PAK2: variants seen among roughly 807,000 people sequenced by gnomAD.
The protein encoded by PAK2 is p21 (RAC1) activated kinase 2.
A neutral mutation model predicts 65.9 loss-of-function variants in PAK2; 21 were observed. The observed-to-expected ratio is 0.32, with a 90% CI of 0.23 to 0.46. The LOEUF is 0.46. PAK2 is among the 20% of genes least tolerant of loss of function. PAK2 has a pLI of 1.00. For synonymous variants in PAK2, 204 were observed against 219.7 expected (o/e 0.93, Z 0.63); for missense variants, 324 against 642.6 (o/e 0.50, Z 5.36).
intron 1 of PAK2, among the ~76,000 whole-genome samples, chr3:196,747,826 C>T (rs1713440987): frequency 6.6e-6 from 1 of 152,064 alleles, no homozygotes; most frequent in Non-Finnish European, 1.5e-5. Flanking sequence ...TCCTAATCTG[C>T]CAAAGACAAA....
At chr3:196,761,122 GTAAGGCTGAGGCAGGA>G (rs1445518802) in intron 1 of PAK2, among the ~76,000 whole-genome samples, 12 of 149,528 alleles carry the variant, frequency 8.0e-5, no homozygotes, top group African/African-American at 2.7e-4. Context: ...CGGCTACTCG[GTAAGGCTGAGGCAGGA>G]GAACCGCTTT....
chr3:196,764,841 C>CTTTTTTT (rs57199433), intron 1 of PAK2, among the ~76,000 whole-genome samples: 1 of 107,610 alleles, frequency 9.3e-6, no homozygotes, highest in Non-Finnish European at 1.9e-5. Context: ...TCTTTTCTTT[C>CTTTTTTT]TTTTTTTTTT....
intron 11 of PAK2, among the ~76,000 whole-genome samples, chr3:196,815,353 A>G (rs112016363): frequency 0.053 from 7,947 of 150,342 alleles, 272 homozygotes; most frequent in East Asian, 0.17. Flanking sequence ...TTAGCCAGGC[A>G]TGGTGGTGCA....
intron 1 of PAK2, among the ~76,000 whole-genome samples, chr3:196,760,779 A>C (rs1713933338): frequency 6.6e-6 from 1 of 152,224 alleles, no homozygotes; most frequent in Non-Finnish European, 1.5e-5. Context: ...AACGGCCTTA[A>C]ACTACTGAAG....
At chr3:196,778,188 A>G (rs1000927221) in intron 1 of PAK2, among the ~76,000 whole-genome samples, 1 of 152,044 alleles carries the variant, frequency 6.6e-6, no homozygotes, top group African/African-American at 2.4e-5. Flanking sequence ...TTTTTCACTT[A>G]GTGTTCGAGG....
chr3:196,754,164 A>G (rs1056008596), intron 1 of PAK2, among the ~76,000 whole-genome samples: 1 of 152,038 alleles, frequency 6.6e-6, no homozygotes, highest in African/African-American at 2.4e-5. Context: ...TCTTCTCTCC[A>G]TATACTCCTG....
chr3:196,770,410 A>G lies in PAK2; in HGVS notation c.-21-12216A>G, dbSNP rs890430717. Among the ~76,000 whole-genome samples the G allele has an allele frequency of 2.2e-4, 33 of 151,940 alleles. 2 individuals carry two copies. Among genetic ancestry groups the G allele is most frequent in the African/African-American group, 7.3e-4 (30 of 41,310 alleles). On this transcript the variant is annotated intron_variant, in intron 1 of 14. Coordinates refer to ENST00000327134, the MANE Select transcript of PAK2 (RefSeq NM_002577.4). ...ATGTACCTGTAGTCTCAGCACAGCTACTTGGGAGGATCAGGTGGGAGGATT... is the reference window on the plus strand; with the variant it reads ...ATGTACCTGTAGTCTCAGCACAGCTGCTTGGGAGGATCAGGTGGGAGGATT...
At chr3:196,825,447 G>T (rs7648928) in intron 13 of PAK2, among the ~76,000 whole-genome samples, 2,994 of 151,902 alleles carry the variant, frequency 0.02, 110 homozygotes, top group African/African-American at 0.06. Flanking sequence ...TTTAAGACCA[G>T]CCTGGCCAAC....
chr3:196,828,074 C>A (rs919560920), intron 14 of PAK2, among the ~76,000 whole-genome samples: 3 of 131,950 alleles, frequency 2.3e-5, no homozygotes, highest in Admixed American at 7.8e-5. Flanking sequence ...GTTTGTGCAT[C>A]GTATCACTCC....
intron 3 of PAK2, among the ~76,000 whole-genome samples, chr3:196,802,268 G>A (rs920312551): frequency 8.5e-5 from 13 of 152,122 alleles, no homozygotes; most frequent in Admixed American, 5.9e-4. Context: ...AAGCGTGGGG[G>A]TGTATGCCTG....
chr3:196,820,094 AC>A lies in PAK2; in HGVS notation c.1154-275del, dbSNP rs1711600290. Among the ~76,000 whole-genome samples, 1 of 152,066 alleles carries A rather than the reference AC, an allele frequency of 6.6e-6. No homozygotes were observed. Among genetic ancestry groups the A allele is most frequent in the Non-Finnish European group, 1.5e-5 (1 of 68,018 alleles). On this transcript the variant is annotated intron_variant, in intron 12 of 14. Coordinates refer to ENST00000327134, the MANE Select transcript of PAK2 (RefSeq NM_002577.4). This position sits in a 1 kb window ranked among gnomAD's most constrained non-coding sequence, Gnocchi z 4.6. ...CTACTTTTGCTTTACTTTTTCGTAG[AC>A]CTCTTTCAGTTTTATTAAATTTTTT...
chr3:196,761,850 C>T lies in PAK2; in HGVS notation c.-21-20776C>T, dbSNP rs1369836103. ...GCGGGGGGCTGACCCCCCCCCACCT[C>T]CCTCCCGGACGGGGTGGCTGCCGGA... On this transcript the variant is annotated intron_variant, in intron 1 of 14. Coordinates refer to ENST00000327134, the MANE Select transcript of PAK2 (RefSeq NM_002577.4). Among the ~76,000 whole-genome samples the T allele has an allele frequency of 1.8e-4, 27 of 149,638 alleles. 1 individual carries two copies. Among genetic ancestry groups the T allele is most frequent in the Admixed American group, 1.4e-3 (21 of 14,720 alleles).
chr3:196,748,031 T>G (rs1409568186), intron 1 of PAK2, among the ~76,000 whole-genome samples: 1 of 152,208 alleles, frequency 6.6e-6, no homozygotes, highest in Non-Finnish European at 1.5e-5. Flanking sequence ...TGAAGTTTCT[T>G]TTTCATTTAT....
chr3:196,743,568 C>T (rs190904295), intron 1 of PAK2, among the ~76,000 whole-genome samples: 165 of 152,138 alleles, frequency 1.1e-3, no homozygotes, highest in African/African-American at 3.5e-3. Flanking sequence ...GCCTTCTAGG[C>T]CGGGTGCGGT....
chr3:196,797,406 T>A (rs1329251565), intron 2 of PAK2, among the ~76,000 whole-genome samples: 1 of 151,686 alleles, frequency 6.6e-6, no homozygotes, highest in Non-Finnish European at 1.5e-5. Context: ...GAGGCTGCAG[T>A]GAGCTGAGGT....
At chr3:196,774,009 GGGACAGAACGAGAC>G (rs1369876781) in intron 1 of PAK2, among the ~76,000 whole-genome samples, 1 of 152,126 alleles carries the variant, frequency 6.6e-6, no homozygotes, top group Non-Finnish European at 1.5e-5. Context: ...CTCCAGCCTG[GGGACAGAACGAGAC>G]TCCGTCTCAA....
chr3:196,801,484 A>G (rs1715421025), intron 2 of PAK2, among the ~76,000 whole-genome samples: 1 of 152,132 alleles, frequency 6.6e-6, no homozygotes, highest in African/African-American at 2.4e-5. Context: ...TCTTTTCTAG[A>G]ATAACTTTGA....
At chr3:196,812,408 T>C (rs980121118) in intron 9 of PAK2, 141 bp downstream of exon 9, 29 of 656,804 alleles carry the variant, frequency 4.4e-5, no homozygotes, top group Non-Finnish European at 7.7e-5. Context: ...TTATAGCACT[T>C]CTGTCAGTAA....
chr3:196,774,878 G>A (rs1292946248), intron 1 of PAK2, among the ~76,000 whole-genome samples: 1 of 152,130 alleles, frequency 6.6e-6, no homozygotes, highest in Admixed American at 6.5e-5. Flanking sequence ...GTTATTAGGT[G>A]GTGCAAAAGT....
Sources: allele counts gnomAD v4.1 joint callset (sites outside exome capture counted in the v4.1 genomes callset), GRCh38; gene constraint gnomAD v4.1.1; non-coding constraint Gnocchi (gnomAD v3.1); transcripts MANE v1.5; gene names NCBI Gene and HGNC (gene_info 2026-07-23, HGNC 2026-07-21).